The following GNAI3 variants were observed in gnomAD, a reference collection of about 807,000 sequenced individuals.
The protein encoded by GNAI3 is guanine nucleotide-binding protein G(i) subunit alpha-3.
GNAI3 carries 12 observed loss-of-function variants against 41.8 expected under a neutral mutation model. That is an observed-to-expected ratio of 0.29 (90% CI 0.18 to 0.47). The LOEUF (loss-of-function observed/expected upper bound fraction) is 0.47. Among genes scored for constraint, GNAI3 ranks in the 20% least tolerant of loss-of-function variants. The pLI is 1.00. For synonymous variants in GNAI3, 132 were observed against 146.5 expected, an observed-to-expected ratio of 0.90 and a Z score of 0.71; for missense variants, 360 against 429.6, an observed-to-expected ratio of 0.84 and a Z score of 1.43.
At chr1:109,578,470 C>CAAAAAA (rs35519193) in intron 3 of GNAI3, among the ~76,000 whole-genome samples, 17 of 84,272 alleles carry the variant, frequency 2.0e-4, no homozygotes, top group East Asian at 3.3e-4. Flanking sequence ...AACTCCGTCT[C>CAAAAAA]AAAAAAAAAA....
intron 3 of GNAI3, among the ~76,000 whole-genome samples, chr1:109,578,496 AGAAAT>A (rs1354312564): frequency 4.0e-5 from 6 of 150,808 alleles, no homozygotes; most frequent in East Asian, 3.9e-4. Context: ...AAAAAAGAAA[AGAAAT>A]AAAGAAAACC....
chr1:109,581,280 T>TA (rs61507589), intron 4 of GNAI3, among the ~76,000 whole-genome samples: 394 of 145,242 alleles, frequency 2.7e-3, no homozygotes, highest in African/African-American at 8.4e-3. Context: ...TGATTTAGAT[T>TA]AAAAAAAAAA....
intron 7 of GNAI3, among the ~76,000 whole-genome samples, chr1:109,589,773 C>A (rs986720330): frequency 5.3e-5 from 8 of 152,144 alleles, no homozygotes; most frequent in African/African-American, 1.9e-4. Context: ...AGGGCAATTT[C>A]TGTCCATAGA....
chr1:109,578,721 A>C (rs1648819668), intron 3 of GNAI3, among the ~76,000 whole-genome samples: 1 of 152,200 alleles, frequency 6.6e-6, no homozygotes, highest in African/African-American at 2.4e-5. Flanking sequence ...GGCTGAAGGC[A>C]AAGAAGAGAA....
rs2101117531 is a variant in GNAI3 at position 109,598,471 on chromosome 1, C to T, written c.*6149C>T. 6.5e-6 allele frequency: 1 copy of T among 154,892 alleles called. No individual in the cohort carries two copies. Among genetic ancestry groups the T allele is most frequent in the Admixed American group, 6.3e-5 (1 of 15,800 alleles). The allele number at this position is 154,892 out of a possible 1,614,324, so 9.6% of individuals were successfully genotyped here. ...TGTGGTTCTCATCAGATAGAAATAA[C>T]ATATTTGAAAATGCTTTGTAAATGT... On this transcript the variant is annotated 3_prime_UTR_variant, in exon 9 of 9. Transcript: ENST00000369851.
intron 1 of GNAI3, among the ~76,000 whole-genome samples, chr1:109,566,622 C>T (rs1050594274): frequency 2.0e-5 from 3 of 152,134 alleles, no homozygotes; most frequent in African/African-American, 7.2e-5. Flanking sequence ...AGTGCAATGG[C>T]GCGGTCTTTG....
At chr1:109,559,024 A>G (rs893667478) in intron 1 of GNAI3, among the ~76,000 whole-genome samples, 3 of 151,896 alleles carry the variant, frequency 2.0e-5, no homozygotes, top group African/African-American at 7.3e-5. Flanking sequence ...TAAAAATACA[A>G]AAAATTAGCT....
At position 109,548,982 on chromosome 1, in the gene GNAI3, C is replaced by T; in HGVS notation, c.118+144C>T. On this transcript the variant is annotated intron_variant, in intron 1 of 8. Coordinates refer to ENST00000369851, the MANE Select transcript of GNAI3 (RefSeq NM_006496.4). ...GGGCGTGGGGCGGGGTGTTGGGGTT[C>T]CTAGCTGAGGCCCCAGAGGGCGTGA... The T allele has an allele frequency of 1.8e-5, 11 of 602,910 alleles. No homozygotes were observed. In the South Asian group the frequency reaches 2.2e-4, roughly 12 times the overall value. 37.3% of individuals were successfully genotyped at this position (602,910 alleles called of 1,614,324 possible). A position where few individuals can be genotyped will look rare whatever the true frequency, so the allele number is the denominator to read the frequency against.
At chr1:109,572,601 A>G (rs1469137125) in intron 1 of GNAI3, among the ~76,000 whole-genome samples, 1 of 152,152 alleles carries the variant, frequency 6.6e-6, no homozygotes, top group African/African-American at 2.4e-5. Context: ...GGAGGCACTG[A>G]GTATAGATGG....
At chr1:109,563,218 C>T (rs568635747) in intron 1 of GNAI3, among the ~76,000 whole-genome samples, 2 of 152,200 alleles carry the variant, frequency 1.3e-5, no homozygotes, top group East Asian at 3.9e-4. Context: ...TCCGTCTCTA[C>T]TAAAAATATA....
At position 109,556,443 on chromosome 1, in the gene GNAI3, G is replaced by A. The variant is rs183476977; in HGVS notation, c.118+7605G>A. On this transcript the variant is annotated intron_variant, in intron 1 of 8. Coordinates refer to ENST00000369851, the MANE Select transcript of GNAI3 (RefSeq NM_006496.4). Reference sequence around the variant, plus strand: ...TGTGCAAAAATGGAATGTTCAAAACGCGGAAGAAAAAACTGAAACATTGTG... The same window carrying A: ...TGTGCAAAAATGGAATGTTCAAAACACGGAAGAAAAAACTGAAACATTGTG... 1.3e-3 allele frequency among the ~76,000 whole-genome samples: 195 copies of A among 152,274 alleles called. 2 individuals carry two copies. Among genetic ancestry groups the A allele is most frequent in the Non-Finnish European group, 2.0e-3 (136 of 68,022 alleles).
chr1:109,577,837 G>C (rs1419860860), intron 3 of GNAI3, among the ~76,000 whole-genome samples: 1 of 152,196 alleles, frequency 6.6e-6, no homozygotes, highest in Non-Finnish European at 1.5e-5. Flanking sequence ...AGTCTTTGGA[G>C]TTTTAGGTTG....
At chr1:109,589,292 G>A (rs1649111510) in intron 7 of GNAI3, among the ~76,000 whole-genome samples, 1 of 152,202 alleles carries the variant, frequency 6.6e-6, no homozygotes, top group African/African-American at 2.4e-5. Context: ...TCAGTCAACA[G>A]TGTTATCTGC....
rs1649201215 is a variant in GNAI3, at chr1:109,592,683, A to C, written c.*361A>C. 6.5e-6 allele frequency: 1 copy of C among 153,210 alleles called. No homozygotes were observed. The highest frequency in any genetic ancestry group is 2.4e-5 in the African/African-American group (1 of 41,430). 9.5% of individuals were successfully genotyped at this position (153,210 alleles called of 1,614,324 possible). ...CTTAAACCACCAGTGGTTCATTTTT[A>C]AGGTTTTTTCATCAAGAGAAGAATA... On this transcript the variant is annotated 3_prime_UTR_variant, in exon 9 of 9. Transcript: ENST00000369851.
chr1:109,595,646 G>A lies in GNAI3; in HGVS notation c.*3324G>A, dbSNP rs768034497. 6 of 151,452 alleles carry A rather than the reference G, an allele frequency of 4.0e-5. No homozygotes were observed. Among genetic ancestry groups the A allele is most frequent in the Non-Finnish European group, 8.8e-5 (6 of 67,928 alleles). The allele number at this position is 151,452 out of a possible 1,614,324, so 9.4% of individuals were successfully genotyped here. The stretch of plus-strand genomic sequence containing the variant: ...TCATTTATAGCTGTGACATTCTTTG[G>A]ACATTACTTGCCTGGCCTGATTAGT... On this transcript the variant is annotated 3_prime_UTR_variant, in exon 9 of 9. Transcript: ENST00000369851.
chr1:109,579,666 A>G (rs1295692686), intron 4 of GNAI3, among the ~76,000 whole-genome samples: 1 of 152,088 alleles, frequency 6.6e-6, no homozygotes, highest in Non-Finnish European at 1.5e-5. Context: ...ATCTGTTCCA[A>G]CTCATAAGTT....
Position 109,586,303 on chromosome 1 carries a change from C to G in GNAI3, c.678C>G (p.Ala226=). 1.2e-6 allele frequency: 2 copies of G among 1,613,074 alleles called. No individual in the cohort carries two copies. Among genetic ancestry groups the G allele is most frequent in the Non-Finnish European group, 1.7e-6 (2 of 1,179,302 alleles). Residue 226 remains alanine (A), a synonymous_variant, in exon 6 of 9, where the codon GCC becomes GCG. Transcript: ENST00000369851. Reference sequence around the variant, plus strand: ...TGACAGCAATTATCTTCTGTGTGGCCCTCAGTGATTATGACCTTGTTCTGG... The same window carrying G: ...TGACAGCAATTATCTTCTGTGTGGCGCTCAGTGATTATGACCTTGTTCTGG... The part of the protein sequence containing the change: ...EGVTAIIFCV[A]LSDYDLVLAE...
chr1:109,591,304 C>CTT (rs11369270), intron 7 of GNAI3, among the ~76,000 whole-genome samples: 17 of 148,448 alleles, frequency 1.1e-4, no homozygotes, highest in African/African-American at 3.0e-4. Flanking sequence ...TGTTGAATTC[C>CTT]TTTTTTTTTT....
At chr1:109,577,800 T>G (rs1648789053) in intron 3 of GNAI3, among the ~76,000 whole-genome samples, 1 of 152,164 alleles carries the variant, frequency 6.6e-6, no homozygotes, top group South Asian at 2.1e-4. Context: ...TTTGCTAAGG[T>G]GGATGCACAA....
Sources: gnomAD v4.1 joint callset for allele counts (sites outside exome capture counted in the v4.1 genomes callset) on GRCh38, gnomAD v4.1.1 for gene constraint, MANE v1.5 for transcripts, NCBI Gene and HGNC (gene_info 2026-07-23, HGNC 2026-07-21) for gene names.